RAP1GAP: variants seen among roughly 807,000 people sequenced by gnomAD.
The protein encoded by RAP1GAP is rap1 GTPase-activating protein 1.
Under a neutral mutation model 87.2 loss-of-function variants are expected in RAP1GAP, and 35 were observed. That is an observed-to-expected ratio of 0.40 (90% CI 0.31 to 0.53). RAP1GAP has a LOEUF of 0.53. Ranked by LOEUF, RAP1GAP falls within the 20% of genes least tolerant of loss-of-function variation. RAP1GAP has a pLI of 0.48. For synonymous variants in RAP1GAP, 375 were observed against 363.9 expected, an observed-to-expected ratio of 1.03 and a Z score of -0.35; for missense variants, 734 against 898.9, an observed-to-expected ratio of 0.82 and a Z score of 2.35.
rs569129890 is a variant in RAP1GAP at position 21,608,370 on chromosome 1, C to A, written c.1159-20G>T. ...CCGCTCCTGTGGGCCAGGCCCGGGC[C>A]GTCAGGAGGGACCCCAAGGATCAGC... On this transcript the variant is annotated intron_variant, in intron 16 of 24. Coordinates refer to ENST00000374765, the MANE Select transcript of RAP1GAP (RefSeq NM_002885.4). 657 of 1,608,228 alleles carry A rather than the reference C, an allele frequency of 4.1e-4. 9 individuals are homozygous for A. The South Asian group carries it at 6.9e-3, about 17-fold the overall frequency.
chr1:21,597,693 G>T lies in RAP1GAP; in HGVS notation c.*27C>A, dbSNP rs1360781404. On this transcript the variant is annotated 3_prime_UTR_variant, in exon 24 of 25. Coordinates refer to ENST00000374765, the MANE Select transcript of RAP1GAP (RefSeq NM_002885.4). ...TGAGGGGCTGGGTCTAACCTGCTCA[G>T]TTTCACCTTCAGAGGGGGTGGCCCG... is the stretch of plus-strand genomic sequence containing the variant. 1 of 1,611,598 alleles carries T rather than the reference G, an allele frequency of 6.2e-7. No individual in the cohort carries two copies. The highest frequency in any genetic ancestry group is 1.3e-5 in the African/African-American group (1 of 75,026).
At chr1:21,599,766 GCC>G in intron 20 of RAP1GAP, 149 bp from the exon 21 acceptor site, 1 of 1,122,180 alleles carries the variant, frequency 8.9e-7, no homozygotes, top group Non-Finnish European at 1.2e-6. Flanking sequence ...GGGCCTCTGA[GCC>G]CCCCAGACTC....
intron 18 of RAP1GAP, among the ~76,000 whole-genome samples, 176 bp downstream of exon 18, chr1:21,605,890 C>T (rs2074145053): frequency 1.3e-5 from 2 of 152,240 alleles, no homozygotes; most frequent in South Asian, 4.1e-4. Flanking sequence ...AGTGTCCTGG[C>T]CTGGGCACTT....
rs1365711402 is a variant in RAP1GAP at position 21,606,158 on chromosome 1, C to G, written c.1336G>C (p.Gly446Arg). The G allele has an allele frequency of 6.3e-7, 1 of 1,584,438 alleles. No homozygotes were observed. The highest frequency in any genetic ancestry group is 8.6e-7 in the Non-Finnish European group (1 of 1,165,696). ...RSRSQSMDAM[G>R]LSNKKPNTVS... ...GTGTTGGGCTTCTTGTTGCTCAGCC[C>G]CATGGCATCCATGGACTGGCTGCGG... The change falls in exon 18 of 25, where the codon GGG (glycine) becomes CGG (arginine). Residue 446 changes from glycine (G) to arginine (R), a missense_variant. Physicochemically the swap from Gly to Arg is moderately radical, Grantham distance 125. Around this residue, in one of 2 missense-constraint regions of RAP1GAP, gnomAD observed 485 missense variants for 646.2 expected, o/e 0.75. Transcript: ENST00000374765.
At chr1:21,631,798 G>A (rs1281516018) in intron 2 of RAP1GAP, among the ~76,000 whole-genome samples, 1 of 152,172 alleles carries the variant, frequency 6.6e-6, no homozygotes, top group African/African-American at 2.4e-5. Context: ...GCCCCAGGTC[G>A]CACAATGGGA....
At chr1:21,639,613 C>T (rs199908621) in intron 2 of RAP1GAP, among the ~76,000 whole-genome samples, 3 of 152,204 alleles carry the variant, frequency 2.0e-5, no homozygotes, top group East Asian at 3.8e-4. Flanking sequence ...GAAAGTACGT[C>T]CTAAGCTAGA....
chr1:21,611,915 G>A (rs1233175368), intron 11 of RAP1GAP, 99 bp from the exon 12 acceptor site: 3 of 1,483,586 alleles, frequency 2.0e-6, no homozygotes. Flanking sequence ...GAGGACCTCT[G>A]GCAGCCCCTG....
rs142315549 is a variant in RAP1GAP, at chr1:21,609,562, G to A, written c.1071+13C>T. On this transcript the variant is annotated intron_variant, in intron 15 of 24. Coordinates refer to ENST00000374765, the MANE Select transcript of RAP1GAP (RefSeq NM_002885.4). The surrounding 1 kb of genome is among the most constrained non-coding windows in gnomAD (Gnocchi z 4.4). ...TGTCCTGCTCTGCCCATGACTGGGGGGGTGCCCCTCACCTTCCTGAACACA... is the reference window on the plus strand; with the variant it reads ...TGTCCTGCTCTGCCCATGACTGGGGAGGTGCCCCTCACCTTCCTGAACACA... 114 of 1,487,068 alleles carry A rather than the reference G, an allele frequency of 7.7e-5. 1 individual carries two copies. In the East Asian group the frequency reaches 2.4e-3, roughly 31 times the overall value. 92.1% of individuals were successfully genotyped at this position (1,487,068 alleles called of 1,614,324 possible).
intron 1 of RAP1GAP, among the ~76,000 whole-genome samples, chr1:21,659,285 A>G (rs1295758799): frequency 6.6e-6 from 1 of 152,204 alleles, no homozygotes; most frequent in African/African-American, 2.4e-5. Flanking sequence ...GGCCGTCATA[A>G]GAACTGCAGG....
chr1:21,634,058 C>CGG lies in RAP1GAP; in HGVS notation c.-112-7663_-112-7662dup, dbSNP rs59476256. 2.8e-5 allele frequency among the ~76,000 whole-genome samples: 4 copies of CGG among 143,184 alleles called. No individual in the cohort carries two copies. The highest frequency in any genetic ancestry group is 6.0e-5 in the Non-Finnish European group (4 of 66,278). The allele number at this position is 143,184 out of a possible 152,430, so 93.9% of individuals were successfully genotyped here. On this transcript the variant is annotated intron_variant, in intron 2 of 24. Coordinates refer to ENST00000374765, the MANE Select transcript of RAP1GAP (RefSeq NM_002885.4). This position sits in a 1 kb window ranked among gnomAD's most constrained non-coding sequence, Gnocchi z 4.1. ...TGGCTGCCCCAGAACTGCCCCCTCCCGGGGGGGGGGGGGGGCCACAGAAGC... is the reference window on the plus strand; with the variant it reads ...TGGCTGCCCCAGAACTGCCCCCTCCCGGGGGGGGGGGGGGGGGCCACAGAAGC...
At chr1:21,600,696 C>G (rs1270514754) in intron 20 of RAP1GAP, among the ~76,000 whole-genome samples, 1 of 151,958 alleles carries the variant, frequency 6.6e-6, no homozygotes, top group East Asian at 1.9e-4. Context: ...ACCATCCTGG[C>G]TAACACGGTG....
At chr1:21,644,380 T>C (rs1441093611) in intron 2 of RAP1GAP, among the ~76,000 whole-genome samples, 1 of 152,224 alleles carries the variant, frequency 6.6e-6, no homozygotes, top group East Asian at 1.9e-4. Context: ...GCCTGGCTAC[T>C]TAAGCTCCAA....
chr1:21,633,968 G>T (rs2094261013), intron 2 of RAP1GAP, among the ~76,000 whole-genome samples: 1 of 151,948 alleles, frequency 6.6e-6, no homozygotes, highest in Non-Finnish European at 1.5e-5. Context: ...GGCTGCCAGA[G>T]CCGGGTCTCC....
In RAP1GAP at chr1:21,617,479, C is replaced by T. The variant is rs2082987686; in HGVS notation, c.118G>A (p.Glu40Lys). Residue 40 changes from glutamate (E) to lysine (K), a missense_variant, in exon 7 of 25, where the codon GAA (glutamate) becomes AAA (lysine). Coordinates refer to ENST00000374765, the MANE Select transcript of RAP1GAP (RefSeq NM_002885.4). ...YPSVHEVLGR[E>K]GPFPLILLPQ... ...AGCAGGATGAGGGGGAAGGGTCCTT[C>T]TCGCCCCAAGACCTGAAGAGGGACT... The T allele has an allele frequency of 1.3e-6, 2 of 1,599,296 alleles. No individual in the cohort carries two copies. Among genetic ancestry groups the T allele is most frequent in the African/African-American group, 1.3e-5 (1 of 74,798 alleles).
chr1:21,617,904 A>G (rs1318235), intron 6 of RAP1GAP, 30 bp downstream of exon 6: 90,130 of 1,613,766 alleles, frequency 0.056, 3,800 homozygotes, highest in African/African-American at 0.21. Context: ...GGGCTTGAGT[A>G]AGGGTGGGCG....
At chr1:21,597,663 C>A in intron 24 of RAP1GAP, 23 bp downstream of exon 24, 1 of 1,573,720 alleles carries the variant, frequency 6.4e-7, no homozygotes, top group Non-Finnish European at 8.7e-7. Context: ...CCACCAAACA[C>A]AAGCTGAGGG....
chr1:21,610,033 A>G (rs2077242049), intron 14 of RAP1GAP, 87 bp downstream of exon 14: 22 of 1,465,146 alleles, frequency 1.5e-5, no homozygotes, highest in Non-Finnish European at 2.0e-5. Context: ...AGCTGGAAAA[A>G]GTGAGGCTCA....
At position 21,609,974 on chromosome 1, in the gene RAP1GAP, C is replaced by T. The variant is rs1050446315; in HGVS notation, c.999+146G>A. 1.3e-4 allele frequency: 133 copies of T among 1,014,508 alleles called. No individual in the cohort carries two copies. The Admixed American group carries it at 2.7e-3, about 20-fold the overall frequency. 62.8% of individuals were successfully genotyped at this position (1,014,508 alleles called of 1,614,324 possible). On this transcript the variant is annotated intron_variant, in intron 14 of 24. Coordinates refer to ENST00000374765, the MANE Select transcript of RAP1GAP (RefSeq NM_002885.4). This position sits in a 1 kb window ranked among gnomAD's most constrained non-coding sequence, Gnocchi z 4.4. ...GGTGAGCTTTGGGGACGACAGGGGG[C>T]GTGGTGTGAACAGTGCACCATTGAA...
chr1:21,613,783 G>T lies in RAP1GAP; in HGVS notation c.396-77C>A. Reference sequence around the variant, plus strand: ...GGGAACCCCACCCCCCACAAAGTAAGGCCAGAAGGGGGTGGACCACAGCGA... The same window carrying T: ...GGGAACCCCACCCCCCACAAAGTAATGCCAGAAGGGGGTGGACCACAGCGA... On this transcript the variant is annotated intron_variant, in intron 8 of 24. Transcript: ENST00000374765. The surrounding 1 kb of genome is among the most constrained non-coding windows in gnomAD (Gnocchi z 4.7). The T allele has an allele frequency of 1.4e-6, 2 of 1,407,154 alleles. No homozygotes were observed. Among genetic ancestry groups the T allele is most frequent in the Non-Finnish European group, 2.0e-6 (2 of 996,390 alleles). The allele number at this position is 1,407,154 out of a possible 1,614,324, so 87.2% of individuals were successfully genotyped here. A position where few individuals can be genotyped will look rare whatever the true frequency, so the allele number is the denominator to read the frequency against.
Sources: allele counts gnomAD v4.1 joint callset (sites outside exome capture counted in the v4.1 genomes callset), GRCh38; gene constraint gnomAD v4.1.1; regional missense constraint gnomAD v4.1.1; non-coding constraint Gnocchi (gnomAD v3.1); transcripts MANE v1.5; gene names NCBI Gene and HGNC (gene_info 2026-07-23, HGNC 2026-07-21).